Variants in CAP2 observed in about 807,000 individuals in gnomAD.
CAP2 encodes adenylyl cyclase-associated protein 2.
CAP2 carries 24 observed loss-of-function variants against 57.7 expected under a neutral mutation model. The observed-to-expected ratio is 0.42, with a 90% CI of 0.30 to 0.58. The LOEUF is 0.58. Ranked by LOEUF, CAP2 falls within the 20% of genes least tolerant of loss-of-function variation. CAP2 has a pLI of 0.22. For synonymous variants in CAP2, 194 were observed against 207.2 expected, an observed-to-expected ratio of 0.94 and a Z score of 0.55; for missense variants, 501 against 590.3, an observed-to-expected ratio of 0.85 and a Z score of 1.57.
rs780242271 is a variant in CAP2, at chr6:17,507,261, T to C, written c.393T>C (p.Asn131=). The change falls in exon 5 of 13, where the codon AAT becomes AAC. Residue 131 remains asparagine (N), a synonymous_variant. Transcript: ENST00000229922. The stretch of plus-strand genomic sequence containing the variant: ...GAAACCGGGGGAGTAACATGTTTAA[T>C]CATCTTTCGGCCGTCAGCGAAAGCA... ...RERNRGSNMF[N]HLSAVSESIP... The C allele has an allele frequency of 6.2e-7, 1 of 1,614,210 alleles. No homozygotes were observed. Among genetic ancestry groups the C allele is most frequent in the South Asian group, 1.1e-5 (1 of 91,088 alleles).
At chr6:17,420,768 G>GAA (rs1759418105) in intron 1 of CAP2, among the ~76,000 whole-genome samples, 1 of 152,186 alleles carries the variant, frequency 6.6e-6, no homozygotes, top group Non-Finnish European at 1.5e-5. Flanking sequence ...TAAAGGGAGT[G>GAA]AATATTTGTG....
At chr6:17,509,422 A>C (rs1477660956) in intron 6 of CAP2, among the ~76,000 whole-genome samples, 1 of 152,214 alleles carries the variant, frequency 6.6e-6, no homozygotes, top group Non-Finnish European at 1.5e-5. Flanking sequence ...TCACTCCTGT[A>C]ATCCCAGCAC....
chr6:17,426,679 G>T lies in CAP2; in HGVS notation c.211G>T (p.Val71Leu), dbSNP rs772168818. ...GAACAGTAGGATCCTTGCTGGGGACGTGGAGACCCATGTAAGTACTTTCCT... is the reference window on the plus strand; with the variant it reads ...GAACAGTAGGATCCTTGCTGGGGACTTGGAGACCCATGTAAGTACTTTCCT... ...LKNSRILAGD[V>L]ETHAEMVHSA... Residue 71 changes from valine to leucine, a missense_variant, in exon 3 of 13, where the codon GTG becomes TTG. Physicochemically the swap from Val to Leu is conservative, Grantham distance 32. Coordinates refer to ENST00000229922, the MANE Select transcript of CAP2 (RefSeq NM_006366.3). 21 of 1,611,570 alleles carry T rather than the reference G, an allele frequency of 1.3e-5. No individual in the cohort carries two copies. Among genetic ancestry groups the T allele is most frequent in the Non-Finnish European group, 1.7e-5 (20 of 1,177,784 alleles).
chr6:17,465,765 C>G (rs773462181), intron 4 of CAP2, among the ~76,000 whole-genome samples: 2 of 152,134 alleles, frequency 1.3e-5, no homozygotes, highest in African/African-American at 4.8e-5. Context: ...CAACCACTTG[C>G]GAAAGGCGTG....
At chr6:17,537,183 G>A (rs1762793287) in intron 7 of CAP2, among the ~76,000 whole-genome samples, 1 of 152,034 alleles carries the variant, frequency 6.6e-6, no homozygotes, top group Non-Finnish European at 1.5e-5. Flanking sequence ...GTGTTGTGTT[G>A]TTTTGTTTTG....
At chr6:17,546,229 G>A (rs979050333) in intron 11 of CAP2, among the ~76,000 whole-genome samples, 51 of 152,136 alleles carry the variant, frequency 3.4e-4, no homozygotes, top group East Asian at 9.6e-4. Flanking sequence ...TTTAATGACC[G>A]CCATGCTAAC....
Position 17,421,664 on chromosome 6 carries a change from G to A in CAP2, c.109G>A (p.Gly37Ser), listed in dbSNP as rs746572986. 1.2e-6 allele frequency: 2 copies of A among 1,614,186 alleles called. No individual in the cohort carries two copies. The highest frequency in any genetic ancestry group is 1.7e-6 in the Non-Finnish European group (2 of 1,180,024). The change falls in exon 2 of 13, where the codon GGT becomes AGT. Residue 37 changes from glycine to serine, a missense_variant. Physicochemically the swap from Gly to Ser is moderately conservative, Grantham distance 56. Transcript: ENST00000229922. ...CCCTGGGAACTGCGGGGAAGTCAATGGTGTCATTGCAGGTAGGGTCACAAA... is the reference window on the plus strand; with the variant it reads ...CCCTGGGAACTGCGGGGAAGTCAATAGTGTCATTGCAGGTAGGGTCACAAA... ...RPPGNCGEVN[G>S]VIAGVAPSVE...
At chr6:17,473,968 A>G (rs1761084392) in intron 4 of CAP2, among the ~76,000 whole-genome samples, 1 of 152,172 alleles carries the variant, frequency 6.6e-6, no homozygotes, top group African/African-American at 2.4e-5. Flanking sequence ...TGTCTTTAGG[A>G]GAAGACAAAC....
intron 3 of CAP2, among the ~76,000 whole-genome samples, chr6:17,462,760 C>A (rs181242982): frequency 3.8e-4 from 58 of 152,272 alleles, no homozygotes; most frequent in African/African-American, 1.3e-3. Flanking sequence ...GAATAATATT[C>A]TGTGGTATGG....
chr6:17,404,363 T>C (rs1372823566), intron 1 of CAP2, among the ~76,000 whole-genome samples: 1 of 152,130 alleles, frequency 6.6e-6, no homozygotes, highest in Admixed American at 6.5e-5. Context: ...CCCAGCACTT[T>C]GGGAGGCCAA....
intron 8 of CAP2, among the ~76,000 whole-genome samples, chr6:17,539,728 C>A (rs1406216700): frequency 6.6e-6 from 1 of 152,132 alleles, no homozygotes; most frequent in Non-Finnish European, 1.5e-5. Context: ...TTGCTTTAGA[C>A]CCCAGTACTT....
At chr6:17,540,939 A>T in intron 8 of CAP2, 34 bp from the exon 9 acceptor site, 3 of 1,577,900 alleles carry the variant, frequency 1.9e-6, no homozygotes, top group Non-Finnish European at 2.6e-6. Context: ...CCCTTTGCAT[A>T]AAATAAATGT....
chr6:17,491,669 G>A (rs973576868), intron 4 of CAP2, among the ~76,000 whole-genome samples: 1 of 152,196 alleles, frequency 6.6e-6, no homozygotes, highest in African/African-American at 2.4e-5. Context: ...AGTATTAGCT[G>A]TGGGAGCGAG....
intron 4 of CAP2, among the ~76,000 whole-genome samples, chr6:17,474,185 C>CTTTT (rs544909381): frequency 2.3e-4 from 21 of 93,208 alleles, no homozygotes; most frequent in East Asian, 3.6e-4. Context: ...AAAAAACAGT[C>CTTTT]TTTTTTTTTT....
In CAP2 at chr6:17,421,756, C is replaced by T. The variant is rs1003664844; in HGVS notation, c.121+80C>T. 7.3e-6 allele frequency: 11 copies of T among 1,505,568 alleles called. No homozygotes were observed. The Middle Eastern group carries it at 8.6e-4, about 118-fold the overall frequency. The allele number at this position is 1,505,568 out of a possible 1,614,324, so 93.3% of individuals were successfully genotyped here. A position where few individuals can be genotyped will look rare whatever the true frequency, so the allele number is the denominator to read the frequency against. ...TTTCCATAATTTCACTCTCAAGGAA[C>T]ATTTCTATTATCCTTCAGCTTCCCT... is the stretch of plus-strand genomic sequence containing the variant. On this transcript the variant is annotated intron_variant, in intron 2 of 12. Transcript: ENST00000229922.
intron 4 of CAP2, among the ~76,000 whole-genome samples, chr6:17,495,259 C>G (rs114036153): frequency 0.013 from 1,938 of 152,272 alleles, 23 homozygotes; most frequent in Middle Eastern, 0.02. Context: ...TACCCCAGCA[C>G]CTGGACCAGC....
At chr6:17,428,169 C>G (rs1465227986) in intron 3 of CAP2, among the ~76,000 whole-genome samples, 1 of 152,044 alleles carries the variant, frequency 6.6e-6, no homozygotes, top group Non-Finnish European at 1.5e-5. Flanking sequence ...CAAAGTACAG[C>G]CTGAGGAAAA....
rs765908757 is a variant in CAP2 at position 17,539,437 on chromosome 6, C to G, written c.805C>G (p.Gln269Glu). 5 of 1,613,778 alleles carry G rather than the reference C, an allele frequency of 3.1e-6. No homozygotes were observed. In the East Asian group the frequency reaches 1.1e-4, roughly 36 times the overall value. Residue 269 changes from glutamine to glutamate, a missense_variant, in exon 8 of 13, where the codon CAG becomes GAG. By Grantham distance (29) the Gln-to-Glu change is conservative (BLOSUM62 2). Transcript: ENST00000229922. ...CTCAGCTTTATTTGCCCAACTTAACCAGGGAGAAGCAATTACAAAAGGTGA... is the reference window on the plus strand; with the variant it reads ...CTCAGCTTTATTTGCCCAACTTAACGAGGGAGAAGCAATTACAAAAGGTGA... Reference protein sequence around the residue: ...SRSALFAQLNQGEAITKGLRH... With the variant: ...SRSALFAQLNEGEAITKGLRH...
At chr6:17,469,313 G>A (rs1450663122) in intron 4 of CAP2, among the ~76,000 whole-genome samples, 1 of 152,138 alleles carries the variant, frequency 6.6e-6, no homozygotes, top group African/African-American at 2.4e-5. Flanking sequence ...AGTACAGCAG[G>A]CTTTCTGCTG....
Sources: gnomAD v4.1 joint callset for allele counts (sites outside exome capture counted in the v4.1 genomes callset) on GRCh38, gnomAD v4.1.1 for gene constraint, MANE v1.5 for transcripts, NCBI Gene and HGNC (gene_info 2026-07-23, HGNC 2026-07-21) for gene names.